Variants in BACE2 observed in about 807,000 individuals in gnomAD.
BACE2 encodes 56 kDa aspartic-like protease.
BACE2 carries 17 observed loss-of-function variants against 46.2 expected under a neutral mutation model. The observed-to-expected ratio is 0.37, with a 90% confidence interval of 0.25 to 0.55. The LOEUF (loss-of-function observed/expected upper bound fraction) is 0.55, where lower values mean the gene tolerates loss of function less well. Ranked by LOEUF, BACE2 falls within the 20% of genes least tolerant of loss-of-function variation. The pLI is 0.82. For missense variants in BACE2, 595 were observed against 698.1 expected, an observed-to-expected ratio of 0.85 and a Z score of 1.66; for synonymous variants, 277 against 295.9, an observed-to-expected ratio of 0.94 and a Z score of 0.66.
chr21:41,229,921 C>T (rs1355305704), intron 2 of BACE2, among the ~76,000 whole-genome samples: 1 of 152,224 alleles, frequency 6.6e-6, no homozygotes, highest in Non-Finnish European at 1.5e-5. Context: ...CCATTCTGAC[C>T]ACTCAAGGTT....
chr21:41,169,817 A>G (rs1006172578), intron 1 of BACE2, among the ~76,000 whole-genome samples: 3 of 152,192 alleles, frequency 2.0e-5, no homozygotes, highest in African/African-American at 4.8e-5. Flanking sequence ...CGTCTAAGTC[A>G]TGGGAAGCCA....
chr21:41,249,668 T>C (rs575675467), intron 6 of BACE2, among the ~76,000 whole-genome samples: 1 of 152,298 alleles, frequency 6.6e-6, no homozygotes, highest in Non-Finnish European at 1.5e-5. Flanking sequence ...CCCGCCTTTC[T>C]TCCTTGGGGA....
intron 1 of BACE2, among the ~76,000 whole-genome samples, chr21:41,188,299 T>A (rs1985448864): frequency 6.6e-6 from 1 of 152,188 alleles, no homozygotes; most frequent in Admixed American, 6.5e-5. Flanking sequence ...TATGCCTCAT[T>A]GCCTGGGTTT....
At chr21:41,251,625 AC>A (rs1987641605) in intron 7 of BACE2, among the ~76,000 whole-genome samples, 1 of 151,946 alleles carries the variant, frequency 6.6e-6, no homozygotes, top group African/African-American at 2.4e-5. Flanking sequence ...ACATGGCAAA[AC>A]CCCGTCTCTG....
intron 1 of BACE2, chr21:41,179,760 T>C: frequency 2.3e-6 from 2 of 856,654 alleles, no homozygotes; most frequent in South Asian, 3.1e-5. Flanking sequence ...TGGTGTGGGG[T>C]GGGGTGGAGA....
chr21:41,237,441 G>T (rs773637654), intron 2 of BACE2, 72 bp from the exon 3 acceptor site: 17 of 1,164,766 alleles, frequency 1.5e-5, no homozygotes, highest in South Asian at 2.0e-5. Flanking sequence ...GCAAGACTCC[G>T]TCTCAAAAAT....
intron 2 of BACE2, 130 bp downstream of exon 2, chr21:41,226,484 G>A: frequency 6.8e-6 from 5 of 737,362 alleles, no homozygotes; most frequent in Non-Finnish European, 1.2e-5. Context: ...GTATGTGTAT[G>A]TATACACACA....
At chr21:41,184,268 T>A (rs1425366206) in intron 1 of BACE2, 1 of 167,082 alleles carries the variant, frequency 6.0e-6, no homozygotes, top group African/African-American at 2.4e-5. Flanking sequence ...GATTTTCATC[T>A]TTTCCCCGAG....
At chr21:41,241,633 C>T (rs1028394375) in intron 3 of BACE2, 186 bp from the exon 4 acceptor site, 4 of 591,794 alleles carry the variant, frequency 6.8e-6, no homozygotes, top group African/African-American at 3.8e-5. Flanking sequence ...AGAATGCCAA[C>T]CAGTGGGAAG....
At chr21:41,196,506 A>T (rs1018511570) in intron 1 of BACE2, among the ~76,000 whole-genome samples, 1 of 152,228 alleles carries the variant, frequency 6.6e-6, no homozygotes, top group Non-Finnish European at 1.5e-5. Flanking sequence ...AATCTACACC[A>T]TCGAACATGA....
At position 41,257,276 on chromosome 21, in the gene BACE2, T is replaced by C. The variant is rs144043883; in HGVS notation, c.1253T>C (p.Ile418Thr). Residue 418 changes from isoleucine (I) to threonine (T), a missense_variant, in exon 8 of 9, where the codon ATC becomes ACC. Physicochemically the swap from Ile to Thr is moderately conservative, Grantham distance 89 (BLOSUM62 -1). Transcript: ENST00000330333. Reference sequence around the variant, plus strand: ...ACGGTGATGGAGGGCTTCTACGTCATCTTCGACAGAGCCCAGAAGAGGGTG... The same window carrying C: ...ACGGTGATGGAGGGCTTCTACGTCACCTTCGACAGAGCCCAGAAGAGGGTG... ...GATVMEGFYV[I>T]FDRAQKRVGF... 1 of 1,614,066 alleles carries C rather than the reference T, an allele frequency of 6.2e-7. No homozygotes were observed. The highest frequency in any genetic ancestry group is 8.5e-7 in the Non-Finnish European group (1 of 1,180,042).
At chr21:41,227,163 G>A (rs924551824) in intron 2 of BACE2, among the ~76,000 whole-genome samples, 13 of 152,190 alleles carry the variant, frequency 8.5e-5, no homozygotes, top group African/African-American at 2.7e-4. Context: ...CTATTTTTAC[G>A]ATTCTGAAAT....
At chr21:41,207,956 C>T (rs1355106423) in intron 1 of BACE2, among the ~76,000 whole-genome samples, 1 of 152,232 alleles carries the variant, frequency 6.6e-6, no homozygotes, top group African/African-American at 2.4e-5. Flanking sequence ...TGTGGCCCCG[C>T]TTACAATGGT....
intron 8 of BACE2, among the ~76,000 whole-genome samples, chr21:41,258,435 A>G (rs1307502308): frequency 6.6e-6 from 1 of 152,216 alleles, no homozygotes; most frequent in Non-Finnish European, 1.5e-5. Flanking sequence ...TCTGATCTCA[A>G]CCCAGGTGAA....
At chr21:41,190,368 A>T (rs1364290887) in intron 1 of BACE2, among the ~76,000 whole-genome samples, 2 of 152,266 alleles carry the variant, frequency 1.3e-5, no homozygotes, top group African/African-American at 4.8e-5. Flanking sequence ...AACAATACTT[A>T]AATGCTGATT....
At chr21:41,169,466 AAT>A (rs1491522097) in intron 1 of BACE2, among the ~76,000 whole-genome samples, 5 of 152,028 alleles carry the variant, frequency 3.3e-5, no homozygotes, top group Non-Finnish European at 2.9e-5. Flanking sequence ...AAAAAAAAAA[AAT>A]CCCAATTGAT....
intron 8 of BACE2, among the ~76,000 whole-genome samples, chr21:41,265,951 C>T (rs1988057000): frequency 6.6e-6 from 1 of 152,158 alleles, no homozygotes; most frequent in African/African-American, 2.4e-5. Context: ...AAACTTCTTT[C>T]CTCTAGGATA....
intron 7 of BACE2, among the ~76,000 whole-genome samples, chr21:41,252,836 G>A (rs1350524269): frequency 2.6e-5 from 4 of 152,188 alleles, no homozygotes; most frequent in African/African-American, 7.2e-5. Context: ...TCATCTTTAC[G>A]TTGTGGGGAT....
chr21:41,250,845 A>G lies in BACE2; in HGVS notation c.1078A>G (p.Ile360Val), dbSNP rs770036149. The change falls in exon 7 of 9, where the codon ATC becomes GTC. Residue 360 changes from isoleucine to valine, a missense_variant. Physicochemically the swap from Ile to Val is conservative, Grantham distance 29. Around this residue, in one of 3 missense-constraint regions of BACE2, gnomAD observed 343 missense variants for 419.4 expected, o/e 0.82. Transcript: ENST00000330333. ...TTGGTCTTACTTCCCTAAAATCTCC[A>G]TCTACCTGAGAGACGAGAACTCCAG... is the stretch of plus-strand genomic sequence containing the variant. ...TPWSYFPKIS[I>V]YLRDENSSRS... 14 of 1,613,724 alleles carry G rather than the reference A, an allele frequency of 8.7e-6. No individual in the cohort carries two copies. Among genetic ancestry groups the G allele is most frequent in the Non-Finnish European group, 1.2e-5 (14 of 1,179,614 alleles).
Sources: allele counts gnomAD v4.1 joint callset (sites outside exome capture counted in the v4.1 genomes callset), GRCh38; gene constraint gnomAD v4.1.1; regional missense constraint gnomAD v4.1.1; transcripts MANE v1.5; gene names NCBI Gene and HGNC (gene_info 2026-07-23, HGNC 2026-07-21).